The following LRRFIP2 variants were observed in gnomAD, a reference collection of about 807,000 sequenced individuals.
LRRFIP2 encodes leucine-rich repeat flightless-interacting protein 2.
A neutral mutation model predicts 125.9 loss-of-function variants in LRRFIP2; 109 were observed. That is an observed-to-expected ratio of 0.87 (90% confidence interval 0.74 to 1.01). The LOEUF (loss-of-function observed/expected upper bound fraction) is 1.01. Ranked by LOEUF, LRRFIP2 falls within the 50% of genes least tolerant of loss-of-function variation. LRRFIP2 has a pLI of 0.00. For missense variants in LRRFIP2, 850 were observed against 862.3 expected, an observed-to-expected ratio of 0.99 and a Z score of 0.18; for synonymous variants, 291 against 293.1, an observed-to-expected ratio of 0.99 and a Z score of 0.07.
intron 15 of LRRFIP2, among the ~76,000 whole-genome samples, chr3:37,097,137 C>T (rs1328710230): frequency 1.3e-5 from 2 of 150,060 alleles, no homozygotes; most frequent in Non-Finnish European, 3.0e-5. Context: ...AATATGTCAC[C>T]AAAATATTTT....
intron 1 of LRRFIP2, among the ~76,000 whole-genome samples, chr3:37,158,574 T>C (rs2150183813): frequency 6.7e-6 from 1 of 148,848 alleles, no homozygotes; most frequent in South Asian, 2.1e-4. Flanking sequence ...ATCACTGCAC[T>C]CCAGCCTGGG....
intron 21 of LRRFIP2, chr3:37,067,413 T>C (rs1329006495): frequency 6.6e-6 from 1 of 152,240 alleles, no homozygotes; most frequent in Non-Finnish European, 1.5e-5. Context: ...ATTACTGGCC[T>C]ATTTGAAAAA....
rs1407236655 is a variant in LRRFIP2 at position 37,053,670 on chromosome 3, A to G, written c.*181T>C. On this transcript the variant is annotated 3_prime_UTR_variant, in exon 28 of 28. Transcript: ENST00000336686. ...CTAGAATCAAACTACAACAAAATCCAAAGTGTTCATTCATGTAGATTCAAA... is the reference window on the plus strand; with the variant it reads ...CTAGAATCAAACTACAACAAAATCCGAAGTGTTCATTCATGTAGATTCAAA... 5.2e-6 allele frequency: 3 copies of G among 580,460 alleles called. No individual in the cohort carries two copies. Among genetic ancestry groups the G allele is most frequent in the East Asian group, 5.8e-5 (2 of 34,734 alleles). 36.0% of individuals were successfully genotyped at this position (580,460 alleles called of 1,614,324 possible).
chr3:37,127,538 C>T, intron 4 of LRRFIP2, 92 bp downstream of exon 4: 1 of 1,299,038 alleles, frequency 7.7e-7, no homozygotes, highest in Non-Finnish European at 1.1e-6. Flanking sequence ...CCAAACACTC[C>T]TACTTTGCAA....
chr3:37,158,529 C>G (rs1305721089), intron 1 of LRRFIP2, among the ~76,000 whole-genome samples: 5 of 151,846 alleles, frequency 3.3e-5, no homozygotes, highest in Admixed American at 3.3e-4. Flanking sequence ...ATTGCTTGAT[C>G]CTGGGAGGCA....
At chr3:37,085,685 G>A (rs148560143) in intron 18 of LRRFIP2, among the ~76,000 whole-genome samples, 8,006 of 150,780 alleles carry the variant, frequency 0.053, 287 homozygotes, top group African/African-American at 0.099. Context: ...GGGTTCACGC[G>A]ATTCTCCTGC....
intron 12 of LRRFIP2, 67 bp from the exon 13 acceptor site, chr3:37,108,196 T>C (rs953046488): frequency 2.1e-5 from 27 of 1,281,090 alleles, no homozygotes; most frequent in Non-Finnish European, 2.6e-5. Flanking sequence ...GAGAATACAT[T>C]AGGGACCATT....
intron 1 of LRRFIP2, among the ~76,000 whole-genome samples, chr3:37,167,444 A>G (rs2096522108): frequency 6.8e-6 from 1 of 147,052 alleles, no homozygotes; most frequent in Non-Finnish European, 1.5e-5. Context: ...TCACAAAGTC[A>G]GGAGTTCGAG....
chr3:37,096,666 A>G lies in LRRFIP2; in HGVS notation c.874-6T>C, dbSNP rs143169980. On this transcript the variant is annotated splice_polypyrimidine_tract_variant and splice_region_variant and intron_variant, in intron 15 of 27. Transcript: ENST00000336686. ...TTGTCAGATTTTTCATCCAACTAGA[A>G]AAGAACAAAGATAAAAATCAGTAAA... The G allele has an allele frequency of 9.3e-4, 1,430 of 1,537,744 alleles. 10 individuals are homozygous for G. In the Admixed American group the frequency reaches 0.018, roughly 20 times the overall value.
chr3:37,155,206 G>A (rs1456394948), intron 1 of LRRFIP2, among the ~76,000 whole-genome samples: 1 of 152,022 alleles, frequency 6.6e-6, no homozygotes. Flanking sequence ...AAGCTCAAAT[G>A]AATTAAGAAA....
Position 37,149,102 on chromosome 3 carries a change from A to G in LRRFIP2, c.-55-64T>C, listed in dbSNP as rs563665006. The G allele has an allele frequency of 5.8e-6, 8 of 1,371,816 alleles. No homozygotes were observed. In the East Asian group the frequency reaches 1.7e-4, roughly 30 times the overall value. 85.0% of individuals were successfully genotyped at this position (1,371,816 alleles called of 1,614,324 possible). ...TTGTGCAATTTTCATGCTCATTTAT[A>G]TATTCACTTTTAACAGAGAAATTAG... On this transcript the variant is annotated intron_variant, in intron 1 of 27. Coordinates refer to ENST00000336686, the MANE Select transcript of LRRFIP2 (RefSeq NM_006309.4).
At chr3:37,094,151 C>T (rs1387114242) in intron 17 of LRRFIP2, among the ~76,000 whole-genome samples, 1 of 152,158 alleles carries the variant, frequency 6.6e-6, no homozygotes, top group African/African-American at 2.4e-5. Context: ...TCTTAAATCT[C>T]CAAGGCCAAG....
Position 37,109,687 on chromosome 3 carries a change from T to C in LRRFIP2, c.530A>G (p.Tyr177Cys), listed in dbSNP as rs2094481821. Residue 177 changes from tyrosine (Y) to cysteine (C), a missense_variant, in exon 10 of 28, where the codon TAC (tyrosine) becomes TGC (cysteine). Physicochemically the swap from Tyr to Cys is radical, Grantham distance 194. Transcript: ENST00000336686. ...CTTATATGTTGCCAGAGGGTCACTGTACAGGGAAGAAGACTGCTAAGAGAC... is the reference window on the plus strand; with the variant it reads ...CTTATATGTTGCCAGAGGGTCACTGCACAGGGAAGAAGACTGCTAAGAGAC... The part of the protein sequence containing the change: ...AYYTRQSSSL[Y>C]SDPLATYKSD... The C allele has an allele frequency of 6.2e-7, 1 of 1,614,014 alleles. No homozygotes were observed. The highest frequency in any genetic ancestry group is 8.5e-7 in the Non-Finnish European group (1 of 1,179,928).
intron 18 of LRRFIP2, among the ~76,000 whole-genome samples, chr3:37,090,264 C>T (rs1576394525): frequency 6.6e-6 from 1 of 151,650 alleles, no homozygotes; most frequent in South Asian, 2.1e-4. Flanking sequence ...AGTCTCGCTC[C>T]GTCACCCAGG....
chr3:37,157,571 G>A (rs1020509580), intron 1 of LRRFIP2, among the ~76,000 whole-genome samples: 6 of 152,036 alleles, frequency 3.9e-5, no homozygotes, highest in African/African-American at 1.4e-4. Context: ...GGGAAAAGAG[G>A]AAGGAGGGAG....
At chr3:37,100,417 T>C (rs185094545) in intron 15 of LRRFIP2, among the ~76,000 whole-genome samples, 35 of 146,576 alleles carry the variant, frequency 2.4e-4, no homozygotes, top group African/African-American at 6.4e-4. Context: ...TATATACATA[T>C]ACATACATAT....
intron 17 of LRRFIP2, among the ~76,000 whole-genome samples, chr3:37,092,595 C>G (rs1400504214): frequency 6.6e-6 from 1 of 152,206 alleles, no homozygotes; most frequent in Non-Finnish European, 1.5e-5. Context: ...CCTCTCATAT[C>G]CTTTTGTCCC....
At chr3:37,161,812 A>C (rs1194229857) in intron 1 of LRRFIP2, among the ~76,000 whole-genome samples, 1 of 151,098 alleles carries the variant, frequency 6.6e-6, no homozygotes, top group Non-Finnish European at 1.5e-5. Context: ...AAAAAGAGAG[A>C]GAGGTAGAAA....
intron 25 of LRRFIP2, 32 bp from the exon 26 acceptor site, chr3:37,055,197 A>C: frequency 7.5e-7 from 1 of 1,340,590 alleles, no homozygotes; most frequent in Non-Finnish European, 1.0e-6. Flanking sequence ...AATTATCTTC[A>C]CCTGTCAGAG....
Sources: allele counts gnomAD v4.1 joint callset (sites outside exome capture counted in the v4.1 genomes callset), GRCh38; gene constraint gnomAD v4.1.1; transcripts MANE v1.5; gene names NCBI Gene and HGNC (gene_info 2026-07-23, HGNC 2026-07-21).